PCDH9: variants seen among roughly 807,000 people sequenced by gnomAD.
PCDH9 encodes the protein protocadherin-9.
In PCDH9, 24 loss-of-function variants were observed where a neutral mutation model predicts 70.6. The observed-to-expected ratio is 0.34, with a 90% CI of 0.25 to 0.48. The LOEUF (loss-of-function observed/expected upper bound fraction) is 0.48. PCDH9 is among the 20% of genes least tolerant of loss of function. PCDH9 has a pLI of 0.99. For missense variants in PCDH9, 1,281 were observed against 1,503.6 expected (o/e 0.85, Z 2.45); for synonymous variants, 562 against 558.5 (o/e 1.01, Z -0.09).
At chr13:66,689,169 G>A (rs1428007983) in intron 3 of PCDH9, among the ~76,000 whole-genome samples, 1 of 151,956 alleles carries the variant, frequency 6.6e-6, no homozygotes, top group East Asian at 1.9e-4. Flanking sequence ...TAATGTATAA[G>A]ATGAACCCCA....
chr13:67,068,107 C>T (rs1160753984), intron 2 of PCDH9, among the ~76,000 whole-genome samples: 1 of 152,004 alleles, frequency 6.6e-6, no homozygotes, highest in African/African-American at 2.4e-5. Flanking sequence ...TGCTTTCTAA[C>T]TATACAGGGT....
At chr13:66,550,812 A>G (rs1961450629) in intron 4 of PCDH9, among the ~76,000 whole-genome samples, 3 of 152,180 alleles carry the variant, frequency 2.0e-5, no homozygotes, top group Admixed American at 2.0e-4. Flanking sequence ...TGGCATTTTT[A>G]TCAACGAACA....
chr13:66,798,626 G>A (rs1291232518), intron 3 of PCDH9, among the ~76,000 whole-genome samples: 1 of 152,012 alleles, frequency 6.6e-6, no homozygotes. Context: ...CTGACCTCAG[G>A]GCTGCTTCGT....
At position 67,226,508 on chromosome 13, in the gene PCDH9, C is replaced by A; in HGVS notation, c.1933G>T (p.Val645Phe). Residue 645 changes from valine to phenylalanine, a missense_variant, in exon 2 of 5, where the codon GTC becomes TTC. By Grantham distance (50) the Val-to-Phe change is conservative. Coordinates refer to ENST00000377865, the MANE Select transcript of PCDH9 (RefSeq NM_203487.3). This position sits in a 1 kb window ranked among gnomAD's most constrained non-coding sequence, Gnocchi z 5.0. ...GGTTGTCCTCCATCAGTGGCTTTGA[C>A]ATCAAAAGTGTAGGAACTCTGCTGC... ...REQQSSYTFD[V>F]KATDGGQPPR... 6.2e-7 allele frequency: 1 copy of A among 1,614,100 alleles called. No individual in the cohort carries two copies. The highest frequency in any genetic ancestry group is 8.5e-7 in the Non-Finnish European group (1 of 1,179,974).
At chr13:66,824,741 C>T (rs999362416) in intron 3 of PCDH9, among the ~76,000 whole-genome samples, 32 of 143,012 alleles carry the variant, frequency 2.2e-4, no homozygotes, top group African/African-American at 7.8e-4. Context: ...TATATATATA[C>T]ACACACACAT....
At chr13:66,697,672 C>G (rs1315687642) in intron 3 of PCDH9, among the ~76,000 whole-genome samples, 1 of 152,116 alleles carries the variant, frequency 6.6e-6, no homozygotes, top group African/African-American at 2.4e-5. Flanking sequence ...GCCAATAGCA[C>G]TATCACTCCC....
chr13:66,527,977 CA>C, intron 4 of PCDH9, among the ~76,000 whole-genome samples: 1 of 152,260 alleles, frequency 6.6e-6, no homozygotes, highest in Admixed American at 6.5e-5. Flanking sequence ...GAGATCACAC[CA>C]CTGCACTCCA....
chr13:67,075,077 C>CA (rs796693913), intron 2 of PCDH9, among the ~76,000 whole-genome samples: 3,859 of 137,748 alleles, frequency 0.028, 84 homozygotes, highest in African/African-American at 0.068. Context: ...GTGATAGTGA[C>CA]AAAAAAAAAA....
At chr13:67,206,829 C>T (rs2089360168) in intron 2 of PCDH9, 1 of 152,220 alleles carries the variant, frequency 6.6e-6, no homozygotes, top group East Asian at 1.9e-4. Flanking sequence ...GACTGAGATA[C>T]ACTTGTTATC....
chr13:66,855,191 C>T (rs943028796), intron 3 of PCDH9, among the ~76,000 whole-genome samples: 1 of 152,088 alleles, frequency 6.6e-6, no homozygotes. Context: ...CTTGTCTGTG[C>T]CCTTGGATCA....
At chr13:66,903,383 A>T (rs1412976461) in intron 3 of PCDH9, 121 bp downstream of exon 3, 1 of 414,314 alleles carries the variant, frequency 2.4e-6, no homozygotes, top group East Asian at 3.6e-5. Flanking sequence ...ATTAGTATAA[A>T]AATGTGACCA....
chr13:66,636,393 A>G (rs142239013), intron 3 of PCDH9, among the ~76,000 whole-genome samples: 321 of 152,156 alleles, frequency 2.1e-3, no homozygotes, highest in Middle Eastern at 0.02. Context: ...TCCATTCTTC[A>G]CTTTCTTTAC....
Position 66,895,132 on chromosome 13 carries a change from G to T in PCDH9, c.3138+8372C>A, listed in dbSNP as rs553526134. On this transcript the variant is annotated intron_variant, in intron 3 of 4. Transcript: ENST00000377865. ...CAATATTAGGTATCTTATATTAAAAGATTATTTACAGTCCGTATTTTGAAA... is the reference window on the plus strand; with the variant it reads ...CAATATTAGGTATCTTATATTAAAATATTATTTACAGTCCGTATTTTGAAA... Among the ~76,000 whole-genome samples, 3 of 152,192 alleles carry T rather than the reference G, an allele frequency of 2.0e-5. No homozygotes were observed. In the East Asian group the frequency reaches 5.8e-4, roughly 29 times the overall value.
intron 4 of PCDH9, among the ~76,000 whole-genome samples, chr13:66,476,551 A>T (rs1009009806): frequency 6.6e-6 from 1 of 152,076 alleles, no homozygotes. Context: ...AATGAGAAAG[A>T]CGAGTATACA....
intron 2 of PCDH9, among the ~76,000 whole-genome samples, chr13:66,934,722 T>A (rs1411178834): frequency 4.7e-5 from 5 of 107,356 alleles, no homozygotes; most frequent in African/African-American, 1.8e-4. Context: ...TTTTTTTTTT[T>A]TTTTTTTTTT....
intron 4 of PCDH9, among the ~76,000 whole-genome samples, chr13:66,539,527 A>C (rs1276400190): frequency 1.3e-5 from 2 of 152,092 alleles, no homozygotes. Context: ...TTCTGCTGCC[A>C]TAATATTGGG....
intron 4 of PCDH9, among the ~76,000 whole-genome samples, chr13:66,483,848 A>G (rs1420952692): frequency 6.6e-6 from 1 of 152,074 alleles, no homozygotes; most frequent in Non-Finnish European, 1.5e-5. Flanking sequence ...GGCCTATAAA[A>G]ACTGGAGACC....
At chr13:66,904,223 T>C (rs780587985) in intron 2 of PCDH9, among the ~76,000 whole-genome samples, 2 of 152,082 alleles carry the variant, frequency 1.3e-5, no homozygotes, top group Non-Finnish European at 2.9e-5. Context: ...AAACAGGTTA[T>C]CTAAAATAAT....
At chr13:66,418,445 C>T (rs1310929834) in intron 4 of PCDH9, among the ~76,000 whole-genome samples, 1 of 152,118 alleles carries the variant, frequency 6.6e-6, no homozygotes, top group African/African-American at 2.4e-5. Flanking sequence ...ATGATGCCTC[C>T]AGCTTTATTC....
Sources: allele counts gnomAD v4.1 joint callset (sites outside exome capture counted in the v4.1 genomes callset), GRCh38; gene constraint gnomAD v4.1.1; non-coding constraint Gnocchi (gnomAD v3.1); transcripts MANE v1.5; gene names NCBI Gene and HGNC (gene_info 2026-07-23, HGNC 2026-07-21).